DNAH14: variants seen among roughly 807,000 people sequenced by gnomAD.
The protein encoded by DNAH14 is axonemal beta dynein heavy chain 14.
A neutral mutation model predicts 520.9 loss-of-function variants in DNAH14; 478 were observed. That is an observed-to-expected ratio of 0.92 (90% CI 0.85 to 0.99). DNAH14 has a LOEUF of 0.99. Among genes scored for constraint, DNAH14 ranks in the 50% least tolerant of loss-of-function variants. DNAH14 has a pLI of 0.00. For synonymous variants in DNAH14, 1,581 were observed against 1,757.2 expected (o/e 0.90, Z 2.51); for missense variants, 4,831 against 5,234.5 (o/e 0.92, Z 2.38).
chr1:225,332,668 A>G (rs905733912), intron 65 of DNAH14, among the ~76,000 whole-genome samples: 5 of 151,994 alleles, frequency 3.3e-5, no homozygotes, highest in African/African-American at 1.2e-4. Flanking sequence ...AATACTATTA[A>G]TAGTATATTA....
chr1:225,010,809 C>T (rs748380454), intron 10 of DNAH14, among the ~76,000 whole-genome samples: 4 of 151,914 alleles, frequency 2.6e-5, no homozygotes, highest in Non-Finnish European at 4.4e-5. Flanking sequence ...CATCTTCTTC[C>T]TGGTTTAGTC....
At chr1:225,151,725 A>G (rs2080518006) in intron 31 of DNAH14, among the ~76,000 whole-genome samples, 1 of 152,136 alleles carries the variant, frequency 6.6e-6, no homozygotes, top group South Asian at 2.1e-4. Context: ...TCCTTTTACT[A>G]TGTAAGTCAA....
chr1:225,322,429 A>G (rs2094575530), intron 61 of DNAH14, among the ~76,000 whole-genome samples: 1 of 152,070 alleles, frequency 6.6e-6, no homozygotes, highest in South Asian at 2.1e-4. Context: ...TTTAACTCAG[A>G]TGTAGTACTT....
At position 225,257,985 on chromosome 1, in the gene DNAH14, A is replaced by G. The variant is rs1412497144; in HGVS notation, c.6891A>G (p.Gln2297=). ...GAACTTCATTACTAACTAATCTTCA[A>G]AGATCTGGCGGAAACTTCTTGAAGA... is the stretch of plus-strand genomic sequence containing the variant. ...QRGTSLLTNL[Q]RSGGNFLKIT... The change falls in exon 45 of 86, where the codon CAA becomes CAG. Residue 2297 remains glutamine, a synonymous_variant. Transcript: ENST00000682510. 1 of 1,549,202 alleles carries G rather than the reference A, an allele frequency of 6.5e-7. No individual in the cohort carries two copies. Among genetic ancestry groups the G allele is most frequent in the Non-Finnish European group, 8.7e-7 (1 of 1,146,248 alleles).
intron 68 of DNAH14, 181 bp downstream of exon 68, chr1:225,338,363 G>A (rs1021558720): frequency 1.8e-5 from 14 of 792,324 alleles, no homozygotes; most frequent in African/African-American, 1.4e-4. Context: ...AGAGATAACC[G>A]ATTTTTATCA....
intron 21 of DNAH14, among the ~76,000 whole-genome samples, chr1:225,089,464 A>AAAAAAAAAAAAG (rs775049047): frequency 1.4e-4 from 19 of 138,436 alleles, no homozygotes; most frequent in Non-Finnish European, 2.1e-4. Context: ...AAAAAAAAAA[A>AAAAAAAAAAAAG]AGAGAGCGAG....
intron 23 of DNAH14, among the ~76,000 whole-genome samples, chr1:225,113,795 C>T (rs1036655302): frequency 2.6e-5 from 4 of 152,110 alleles, no homozygotes; most frequent in African/African-American, 4.8e-5. Flanking sequence ...GCCGGGGTAC[C>T]GCTGATGTTC....
chr1:224,983,534 G>A (rs965442491), intron 8 of DNAH14, among the ~76,000 whole-genome samples: 14 of 152,146 alleles, frequency 9.2e-5, no homozygotes, highest in Admixed American at 7.9e-4. Context: ...CATAGTACTG[G>A]AAGTCTTAGC....
chr1:225,354,447 T>A (rs1173463569), intron 73 of DNAH14, among the ~76,000 whole-genome samples: 1 of 152,184 alleles, frequency 6.6e-6, no homozygotes, highest in Non-Finnish European at 1.5e-5. Flanking sequence ...ATTATGGGTA[T>A]GCATGGGTGT....
intron 74 of DNAH14, among the ~76,000 whole-genome samples, chr1:225,359,725 C>T (rs2095471955): frequency 1.3e-5 from 2 of 152,192 alleles, no homozygotes; most frequent in African/African-American, 4.8e-5. Context: ...ATGATGGTGG[C>T]TAGGGCTCTA....
At chr1:224,968,971 T>C in intron 7 of DNAH14, 97 bp downstream of exon 7, 1 of 746,686 alleles carries the variant, frequency 1.3e-6, no homozygotes, top group East Asian at 3.2e-5. Flanking sequence ...GTAATACCAG[T>C]AGAAAATAGT....
At chr1:225,127,551 C>CA (rs1395163252) in intron 27 of DNAH14, among the ~76,000 whole-genome samples, 2 of 151,578 alleles carry the variant, frequency 1.3e-5, no homozygotes, top group African/African-American at 4.8e-5. Flanking sequence ...TTTTCTTTTC[C>CA]ATTTGCTTGG....
At position 225,364,841 on chromosome 1, in the gene DNAH14, A is replaced by T; in HGVS notation, c.12037A>T (p.Ser4013Cys). ...AGACCCTGAGTTTCGGCTATGGTTAAGCTCAAAATCATACAGTTCTTTTCC... is the reference window on the plus strand; with the variant it reads ...AGACCCTGAGTTTCGGCTATGGTTATGCTCAAAATCATACAGTTCTTTTCC... ...TIDPEFRLWL[S>C]SKSYSSFPIP... is the part of the protein sequence containing the mutation. The change falls in exon 76 of 86, where the codon AGC becomes TGC. Residue 4013 changes from serine (S) to cysteine (C), a missense_variant. Coordinates refer to ENST00000682510, the MANE Select transcript of DNAH14 (RefSeq NM_001367479.1). 1.3e-6 allele frequency: 2 copies of T among 1,549,096 alleles called. No individual in the cohort carries two copies. Among genetic ancestry groups the T allele is most frequent in the Non-Finnish European group, 1.7e-6 (2 of 1,146,130 alleles).
intron 23 of DNAH14, among the ~76,000 whole-genome samples, chr1:225,115,199 G>C (rs2076779552): frequency 6.7e-6 from 1 of 149,592 alleles, no homozygotes; most frequent in African/African-American, 2.6e-5. Flanking sequence ...AGAGCTGGCG[G>C]AGGGGTGACA....
At chr1:225,117,604 A>G (rs941987767) in intron 23 of DNAH14, 80 bp from the exon 24 acceptor site, 8 of 841,426 alleles carry the variant, frequency 9.5e-6, no homozygotes, top group African/African-American at 3.4e-5. Flanking sequence ...TTTGTTTGTA[A>G]GTATAGGTCA....
intron 2 of DNAH14, among the ~76,000 whole-genome samples, chr1:224,953,882 G>C (rs916704636): frequency 2.6e-5 from 4 of 152,082 alleles, no homozygotes; most frequent in Admixed American, 2.6e-4. Context: ...TATTACCTTG[G>C]ACTAAGGAAA....
At chr1:225,384,591 C>A (rs1332816508) in intron 81 of DNAH14, among the ~76,000 whole-genome samples, 1 of 151,936 alleles carries the variant, frequency 6.6e-6, no homozygotes, top group South Asian at 2.1e-4. Flanking sequence ...CAGAGAATAC[C>A]ATAAACACCT....
rs769365974 is a variant in DNAH14, at chr1:225,207,053, G to A, written c.6272G>A (p.Cys2091Tyr). ...SKIISQSGVD[C>Y]LEFMIKNSVT... ...ATTATAAGTCAATCAGGAGTGGATT[G>A]TCTTGAATTCATGATTAAAAATAGT... Residue 2091 changes from cysteine to tyrosine, a missense_variant, in exon 41 of 86, where the codon TGT (cysteine) becomes TAT (tyrosine). By Grantham distance (194) the Cys-to-Tyr change is radical. Coordinates refer to ENST00000682510, the MANE Select transcript of DNAH14 (RefSeq NM_001367479.1). 2.6e-6 allele frequency: 4 copies of A among 1,550,526 alleles called. No individual in the cohort carries two copies. Among genetic ancestry groups the A allele is most frequent in the East Asian group, 4.9e-5 (2 of 40,842 alleles).
intron 46 of DNAH14, among the ~76,000 whole-genome samples, chr1:225,260,244 C>T (rs919003591): frequency 7.9e-5 from 12 of 151,600 alleles, no homozygotes; most frequent in South Asian, 2.1e-4. Flanking sequence ...CCCAGCTACT[C>T]GGAAGACTGA....
Sources: gnomAD v4.1 joint callset for allele counts (sites outside exome capture counted in the v4.1 genomes callset) on GRCh38, gnomAD v4.1.1 for gene constraint, MANE v1.5 for transcripts, NCBI Gene and HGNC (gene_info 2026-07-23, HGNC 2026-07-21) for gene names.